EXOC4: variants seen among roughly 807,000 people sequenced by gnomAD.
EXOC4 encodes SEC8-like 1.
In EXOC4, 71 loss-of-function variants were observed where a neutral mutation model predicts 107.2. That is an observed-to-expected ratio of 0.66 (90% CI 0.55 to 0.81). EXOC4 has a LOEUF of 0.81. EXOC4 is among the 30% of genes least tolerant of loss of function. The pLI, the probability that EXOC4 is intolerant of heterozygous loss-of-function variation, is 0.00. For synonymous variants in EXOC4, 456 were observed against 441.2 expected (o/e 1.03, Z -0.42); for missense variants, 1,108 against 1,189.6 (o/e 0.93, Z 1.01).
intron 10 of EXOC4, among the ~76,000 whole-genome samples, chr7:133,813,975 C>G (rs1797300776): frequency 6.6e-6 from 1 of 152,068 alleles, no homozygotes; most frequent in South Asian, 2.1e-4. Flanking sequence ...ACTTAAGGAA[C>G]TATTATACAG....
At chr7:133,997,035 A>G (rs544830342) in intron 14 of EXOC4, among the ~76,000 whole-genome samples, 1 of 152,312 alleles carries the variant, frequency 6.6e-6, no homozygotes, top group South Asian at 2.1e-4. Flanking sequence ...AGATGGTCAA[A>G]TCTTTCGGAG....
chr7:133,289,951 AC>A (rs1794366151), intron 3 of EXOC4, among the ~76,000 whole-genome samples: 3 of 152,104 alleles, frequency 2.0e-5, no homozygotes, highest in Admixed American at 2.0e-4. Context: ...CCTTTGTTTC[AC>A]CAAATTAGAT....
At chr7:133,602,943 GT>G (rs1376520957) in intron 9 of EXOC4, among the ~76,000 whole-genome samples, 1 of 152,104 alleles carries the variant, frequency 6.6e-6, no homozygotes, top group Non-Finnish European at 1.5e-5. Flanking sequence ...GGCTCCCTAG[GT>G]TTTAAGATGT....
In EXOC4 at chr7:133,475,400, G is replaced by A. The variant is rs1798987327; in HGVS notation, c.1255G>A (p.Ala419Thr). Residue 419 changes from alanine to threonine, a missense_variant, in exon 8 of 18, where the codon GCC becomes ACC. Physicochemically the swap from Ala to Thr is moderately conservative, Grantham distance 58 (BLOSUM62 0). Transcript: ENST00000253861. ...TGAACCATCAGCTCAACTAAGCTAT[G>A]CCAGCACTGGACGAGAGTTTGCAGC... The part of the protein sequence containing the change: ...ASEPSAQLSY[A>T]STGREFAAFF... 6.2e-7 allele frequency: 1 copy of A among 1,614,090 alleles called. No individual in the cohort carries two copies. Among genetic ancestry groups the A allele is most frequent in the Non-Finnish European group, 8.5e-7 (1 of 1,179,954 alleles).
chr7:133,335,234 T>C (rs973176951), intron 5 of EXOC4, among the ~76,000 whole-genome samples: 1 of 152,184 alleles, frequency 6.6e-6, no homozygotes, highest in African/African-American at 2.4e-5. Flanking sequence ...TAAAATTTAC[T>C]GTGTCAACCA....
At chr7:133,489,756 A>G (rs1266429445) in intron 9 of EXOC4, among the ~76,000 whole-genome samples, 2 of 152,204 alleles carry the variant, frequency 1.3e-5, no homozygotes, top group Non-Finnish European at 2.9e-5. Flanking sequence ...AATAATGAAC[A>G]GGACTGCCTT....
At chr7:133,701,401 C>T (rs1032697799) in intron 10 of EXOC4, among the ~76,000 whole-genome samples, 4 of 152,142 alleles carry the variant, frequency 2.6e-5, no homozygotes, top group Admixed American at 2.0e-4. Context: ...GTTTAATCAA[C>T]AGTGTTTTAG....
At chr7:133,988,402 T>C (rs1585303166) in intron 14 of EXOC4, among the ~76,000 whole-genome samples, 1 of 152,232 alleles carries the variant, frequency 6.6e-6, no homozygotes, top group East Asian at 1.9e-4. Context: ...CAATCTGTTA[T>C]TATGTTCTTT....
intron 10 of EXOC4, among the ~76,000 whole-genome samples, chr7:133,712,147 T>C (rs138116339): frequency 9.2e-5 from 14 of 152,162 alleles, no homozygotes; most frequent in African/African-American, 3.1e-4. Flanking sequence ...ATTAAAAAAT[T>C]GGAGCCCTCT....
intron 11 of EXOC4, among the ~76,000 whole-genome samples, chr7:133,858,255 C>G (rs1463411453): frequency 6.6e-6 from 1 of 152,150 alleles, no homozygotes; most frequent in Non-Finnish European, 1.5e-5. Context: ...TTTATTGAGC[C>G]ACAGAACAGC....
At chr7:133,740,275 G>A (rs1481822989) in intron 10 of EXOC4, among the ~76,000 whole-genome samples, 1 of 152,178 alleles carries the variant, frequency 6.6e-6, no homozygotes, top group African/African-American at 2.4e-5. Flanking sequence ...CAACAAGTAA[G>A]CATATGACCC....
intron 9 of EXOC4, among the ~76,000 whole-genome samples, chr7:133,513,060 G>A (rs1158951987): frequency 2.6e-5 from 4 of 152,192 alleles, no homozygotes; most frequent in South Asian, 2.1e-4. Context: ...AGCCGAGATC[G>A]CGCCACTGCA....
chr7:133,717,971 A>G (rs1267041039), intron 10 of EXOC4, among the ~76,000 whole-genome samples: 1 of 152,202 alleles, frequency 6.6e-6, no homozygotes, highest in Non-Finnish European at 1.5e-5. Context: ...ATGGGACTTT[A>G]GCTCAGCCTT....
At chr7:133,458,218 A>G (rs535961015) in intron 7 of EXOC4, among the ~76,000 whole-genome samples, 122 of 152,252 alleles carry the variant, frequency 8.0e-4, no homozygotes, top group African/African-American at 2.9e-3. Flanking sequence ...GAAGCTGGAG[A>G]ATCTGAGATT....
intron 7 of EXOC4, among the ~76,000 whole-genome samples, chr7:133,423,940 C>T (rs895652827): frequency 8.5e-5 from 13 of 152,142 alleles, no homozygotes; most frequent in African/African-American, 2.7e-4. Context: ...CGAGTGCTAG[C>T]GAGAGGTGAA....
intron 9 of EXOC4, among the ~76,000 whole-genome samples, chr7:133,572,324 C>T (rs1161185272): frequency 6.6e-6 from 1 of 151,684 alleles, no homozygotes; most frequent in African/African-American, 2.4e-5. Context: ...CAAATTTGCA[C>T]CAAGGCAAAC....
At position 134,042,965 on chromosome 7, in the gene EXOC4, C is replaced by T. The variant is rs558991900; in HGVS notation, c.2688-21326C>T. ...CTGAGGCAGGAGAATTGCTTGAGCCCGGGAGGTGGAGGTTGCAGTTAGCCG... is the reference window on the plus strand; with the variant it reads ...CTGAGGCAGGAGAATTGCTTGAGCCTGGGAGGTGGAGGTTGCAGTTAGCCG... On this transcript the variant is annotated intron_variant, in intron 17 of 17. Transcript: ENST00000253861. Among the ~76,000 whole-genome samples the T allele has an allele frequency of 6.6e-5, 10 of 152,246 alleles. No individual in the cohort carries two copies. In the East Asian group the frequency reaches 9.7e-4, roughly 15 times the overall value.
At chr7:133,973,407 G>T (rs1032330537) in intron 14 of EXOC4, among the ~76,000 whole-genome samples, 1 of 152,082 alleles carries the variant, frequency 6.6e-6, no homozygotes, top group Non-Finnish European at 1.5e-5. Flanking sequence ...TTACATTATA[G>T]AAGTCACATT....
chr7:133,795,081 T>TA (rs1363105052), intron 10 of EXOC4, among the ~76,000 whole-genome samples: 1 of 152,120 alleles, frequency 6.6e-6, no homozygotes, highest in East Asian at 1.9e-4. Context: ...GAACTTTTTT[T>TA]AAAAAATCAA....
Sources: gnomAD v4.1 joint callset for allele counts (sites outside exome capture counted in the v4.1 genomes callset) on GRCh38, gnomAD v4.1.1 for gene constraint, MANE v1.5 for transcripts, NCBI Gene and HGNC (gene_info 2026-07-23, HGNC 2026-07-21) for gene names.